GRIK1: variants seen among roughly 807,000 people sequenced by gnomAD.
The protein encoded by GRIK1 is glutamate ionotropic receptor kainate type subunit 1.
Under a neutral mutation model 105.7 loss-of-function variants are expected in GRIK1, and 69 were observed. That is an observed-to-expected ratio of 0.65 (90% CI 0.54 to 0.80). The LOEUF is 0.80. Ranked by LOEUF, GRIK1 falls within the 30% of genes least tolerant of loss-of-function variation. The pLI is 0.00. For missense variants in GRIK1, 1,109 were observed against 1,167.3 expected (o/e 0.95, Z 0.73); for synonymous variants, 438 against 431.3 (o/e 1.02, Z -0.19).
At chr21:29,930,266 A>G (rs887892589) in intron 1 of GRIK1, among the ~76,000 whole-genome samples, 12 of 152,204 alleles carry the variant, frequency 7.9e-5, no homozygotes, top group Non-Finnish European at 1.8e-4. Context: ...GAGAAAAAGT[A>G]CAGTAACATC....
intron 14 of GRIK1, among the ~76,000 whole-genome samples, chr21:29,567,554 T>A (rs1168381660): frequency 2.6e-5 from 4 of 152,168 alleles, no homozygotes; most frequent in Non-Finnish European, 4.4e-5. Flanking sequence ...TCTTTTTATC[T>A]TATCAAAAGT....
chr21:29,794,371 T>G (rs2066501289), intron 1 of GRIK1, among the ~76,000 whole-genome samples: 1 of 152,220 alleles, frequency 6.6e-6, no homozygotes, highest in Non-Finnish European at 1.5e-5. Flanking sequence ...AAAATCCAGA[T>G]CTGTACATGT....
chr21:29,736,294 A>G (rs1245127853), intron 1 of GRIK1, among the ~76,000 whole-genome samples: 1 of 152,154 alleles, frequency 6.6e-6, no homozygotes, highest in South Asian at 2.1e-4. Context: ...ATCACAGCTC[A>G]CAGCAGCCTC....
At chr21:29,560,346 TCTTTCTTTCTTTTTCTTTCTTCCTTC>T (rs2090382648) in intron 15 of GRIK1, among the ~76,000 whole-genome samples, 13 of 110,098 alleles carry the variant, frequency 1.2e-4, no homozygotes, top group Non-Finnish European at 2.4e-4. Flanking sequence ...TTTCTTTCTT[TCTTTCTTTCTTTTTCTTTCTTCCTTC>T]CTTCCTTCCT....
chr21:29,755,956 G>A (rs1165503393), intron 1 of GRIK1, among the ~76,000 whole-genome samples: 8 of 152,206 alleles, frequency 5.3e-5, no homozygotes, highest in African/African-American at 1.9e-4. Flanking sequence ...TACTGTCTGT[G>A]ATTGAGGCCA....
Position 29,587,513 on chromosome 21 carries a change from A to T in GRIK1, c.1646T>A (p.Met549Lys), listed in dbSNP as rs1341415025. 23 of 1,613,610 alleles carry T rather than the reference A, an allele frequency of 1.4e-5. No individual in the cohort carries two copies. The highest frequency in any genetic ancestry group is 1.9e-5 in the Non-Finnish European group (22 of 1,179,602). The stretch of plus-strand genomic sequence containing the variant: ...GTAGAGAATGCTGATGCCTAGGGTC[A>T]TGAAGGGTTTGGAGAAGTCAATGAC... The part of the protein sequence containing the change: ...EKVIDFSKPF[M>K]TLGISILYRK... The change falls in exon 12 of 18, where the codon ATG becomes AAG. Residue 549 changes from methionine to lysine, a missense_variant. This residue lies in a region of GRIK1 where 264 missense variants were observed against 306.9 expected (regional missense o/e 0.86). Coordinates refer to ENST00000327783, the MANE Select transcript of GRIK1 (RefSeq NM_001330994.2).
At chr21:29,667,045 G>A (rs773155820) in intron 4 of GRIK1, among the ~76,000 whole-genome samples, 4 of 152,096 alleles carry the variant, frequency 2.6e-5, no homozygotes, top group African/African-American at 7.2e-5. Flanking sequence ...GCCAGCATAC[G>A]GTACGTGTTC....
intron 1 of GRIK1, among the ~76,000 whole-genome samples, chr21:29,790,751 C>A (rs1194151046): frequency 5.3e-5 from 8 of 152,222 alleles, no homozygotes; most frequent in African/African-American, 1.9e-4. Flanking sequence ...CCATGCCCTG[C>A]CTAGTAGATT....
chr21:29,642,039 A>C lies in GRIK1; in HGVS notation c.1098+787T>G, dbSNP rs363528. On this transcript the variant is annotated intron_variant, in intron 7 of 17. Coordinates refer to ENST00000327783, the MANE Select transcript of GRIK1 (RefSeq NM_001330994.2). ...TCCCATAGAGAAATATTAGAATAGC[A>C]TCTCAGAGCATTGCGCATACTCAGG... Among the ~76,000 whole-genome samples, 38 of 152,218 alleles carry C rather than the reference A, an allele frequency of 2.5e-4. 2 individuals carry two copies. The highest frequency in any genetic ancestry group is 8.4e-4 in the African/African-American group (35 of 41,492).
chr21:29,570,843 C>CT (rs34929553), intron 14 of GRIK1, among the ~76,000 whole-genome samples: 99,540 of 146,046 alleles, frequency 0.68, 34,120 homozygotes, highest in Admixed American at 0.74. Context: ...CTTAGAGTTG[C>CT]TTTTTTTTTT....
At chr21:29,781,950 G>T (rs546846791) in intron 1 of GRIK1, among the ~76,000 whole-genome samples, 6 of 150,926 alleles carry the variant, frequency 4.0e-5, no homozygotes, top group Non-Finnish European at 8.9e-5. Context: ...GATTACAGGC[G>T]TGAGCCACCG....
intron 1 of GRIK1, among the ~76,000 whole-genome samples, chr21:29,919,181 G>A (rs572403002): frequency 2.6e-5 from 4 of 152,222 alleles, no homozygotes; most frequent in African/African-American, 9.6e-5. Context: ...AAAGCCACAA[G>A]CTGTTCCTGT....
At chr21:29,688,455 T>C (rs907630936) in intron 3 of GRIK1, among the ~76,000 whole-genome samples, 8 of 152,170 alleles carry the variant, frequency 5.3e-5, no homozygotes, top group African/African-American at 1.9e-4. Context: ...TAACTTTCAC[T>C]TGTAATTTTC....
At chr21:29,543,850 G>A (rs1201781153) in intron 16 of GRIK1, among the ~76,000 whole-genome samples, 1 of 152,196 alleles carries the variant, frequency 6.6e-6, no homozygotes, top group Admixed American at 6.5e-5. Context: ...CAACTTTAAA[G>A]CTTTAAACTG....
At chr21:29,540,970 A>ATTTT (rs3054285) in intron 16 of GRIK1, among the ~76,000 whole-genome samples, 1 of 134,630 alleles carries the variant, frequency 7.4e-6, no homozygotes. Flanking sequence ...CTTGCACTTG[A>ATTTT]TTTTTTTTTT....
At chr21:29,846,785 T>C (rs1226639291) in intron 1 of GRIK1, among the ~76,000 whole-genome samples, 3 of 152,190 alleles carry the variant, frequency 2.0e-5, no homozygotes. Context: ...ATATTCTTTA[T>C]AGTTTTTGGT....
At chr21:29,871,151 T>C in intron 1 of GRIK1, among the ~76,000 whole-genome samples, 1 of 152,140 alleles carries the variant, frequency 6.6e-6, no homozygotes, top group East Asian at 1.9e-4. Flanking sequence ...TTGCATTCTT[T>C]CTCTTCTGTA....
At chr21:29,894,013 C>G (rs2146231746) in intron 1 of GRIK1, among the ~76,000 whole-genome samples, 1 of 152,158 alleles carries the variant, frequency 6.6e-6, no homozygotes, top group African/African-American at 2.4e-5. Context: ...TAGAGAAAAT[C>G]CAACAGTCGG....
chr21:29,661,009 T>C (rs2062951612), intron 4 of GRIK1, among the ~76,000 whole-genome samples: 1 of 151,948 alleles, frequency 6.6e-6, no homozygotes, highest in African/African-American at 2.4e-5. Context: ...ACTGTAATAT[T>C]TTAGGCTGCA....
Sources: gnomAD v4.1 joint callset for allele counts (sites outside exome capture counted in the v4.1 genomes callset) on GRCh38, gnomAD v4.1.1 for gene constraint, gnomAD v4.1.1 regional missense constraint, MANE v1.5 for transcripts, NCBI Gene and HGNC (gene_info 2026-07-23, HGNC 2026-07-21) for gene names.